CCPG1: variants seen among roughly 807,000 people sequenced by gnomAD.
CCPG1 encodes cell cycle progression 1.
Under a neutral mutation model 81.3 loss-of-function variants are expected in CCPG1, and 46 were observed. The ratio of observed to expected loss-of-function variants is 0.57; its 90% CI spans 0.45 to 0.72. The LOEUF (loss-of-function observed/expected upper bound fraction) is 0.72. Among genes scored for constraint, CCPG1 ranks in the 30% least tolerant of loss-of-function variants. The probability of loss-of-function intolerance (pLI) is 0.00; values close to 1 mark genes in which losing one functional copy is unlikely to be tolerated. For synonymous variants in CCPG1, 330 were observed against 305.2 expected (o/e 1.08, Z -0.85); for missense variants, 902 against 937.6 (o/e 0.96, Z 0.50).
At chr15:55,380,639 A>G (rs143425101) in intron 3 of CCPG1, among the ~76,000 whole-genome samples, 37 of 151,444 alleles carry the variant, frequency 2.4e-4, no homozygotes, top group African/African-American at 8.0e-4. Flanking sequence ...AAGAACAGGG[A>G]AAAAAAAATA....
intron 8 of CCPG1, chr15:55,358,010 A>T (rs1390995046): frequency 6.6e-6 from 1 of 150,574 alleles, no homozygotes; most frequent in Non-Finnish European, 1.5e-5. Context: ...GCAGTCTGTT[A>T]ATCAGATATA....
intron 2 of CCPG1, 118 bp downstream of exon 2, chr15:55,389,244 AAAT>A: frequency 1.5e-6 from 1 of 680,168 alleles, no homozygotes; most frequent in Non-Finnish European, 2.6e-6. Flanking sequence ...ATGAGAGGGA[AAAT>A]GTCCATTGGA....
chr15:55,405,737 G>T (rs2057205442), intron 1 of CCPG1, among the ~76,000 whole-genome samples: 1 of 148,122 alleles, frequency 6.8e-6, no homozygotes, highest in African/African-American at 2.6e-5. Context: ...GCTACAAATT[G>T]TCGGATCTGT....
At chr15:55,358,208 G>A (rs937241128) in intron 8 of CCPG1, 1 of 252,600 alleles carries the variant, frequency 4.0e-6, no homozygotes, top group Non-Finnish European at 6.2e-6. Flanking sequence ...AGTATGCTGA[G>A]ATTGGTAAGA....
chr15:55,388,525 A>G (rs1417726637), intron 2 of CCPG1, among the ~76,000 whole-genome samples: 1 of 152,212 alleles, frequency 6.6e-6, no homozygotes. Flanking sequence ...ATCTTGACCA[A>G]ATTACTTAAC....
At chr15:55,380,777 G>T (rs913319731) in intron 3 of CCPG1, among the ~76,000 whole-genome samples, 1 of 152,018 alleles carries the variant, frequency 6.6e-6, no homozygotes, top group South Asian at 2.1e-4. Context: ...CACTTTGAGC[G>T]GCTGAGGCAG....
intron 1 of CCPG1, chr15:55,399,680 G>C (rs371507113): frequency 6.6e-6 from 1 of 152,162 alleles, no homozygotes; most frequent in Non-Finnish European, 1.5e-5. Flanking sequence ...AAAGTAGGTT[G>C]AGCCTTCAGA....
In CCPG1 at chr15:55,356,244, T is replaced by C; in HGVS notation, c.2400A>G (p.Gln800=). 2 of 1,534,326 alleles carry C rather than the reference T, an allele frequency of 1.3e-6. No individual in the cohort carries two copies. The highest frequency in any genetic ancestry group is 1.7e-6 in the Non-Finnish European group (2 of 1,146,254). The change falls in exon 9 of 9, where the codon CAA becomes CAG. Residue 800 remains glutamine (Q), a synonymous_variant. Transcript: ENST00000442196. The stretch of plus-strand genomic sequence containing the variant: ...ATCAGTATTGAGGATCAAAAGGTAA[T>C]TGCCCCAATTCTATTTCAAGATTTG... The part of the protein sequence containing the change: ...QMANLEIELG[Q]LPFDPQY
At chr15:55,390,782 G>A (rs1238682731) in intron 1 of CCPG1, among the ~76,000 whole-genome samples, 1 of 152,106 alleles carries the variant, frequency 6.6e-6, no homozygotes, top group Non-Finnish European at 1.5e-5. Context: ...AAGGTTGGTC[G>A]CTAATAGTAT....
At position 55,359,515 on chromosome 15, in the gene CCPG1, T is replaced by C. The variant is rs1205479540; in HGVS notation, c.2234+24A>G. On this transcript the variant is annotated intron_variant, in intron 8 of 8. Transcript: ENST00000442196. ...CTACAAATGTTACAAACTACTGTAA[T>C]GACACGGTTTTATGTAAACCGACCT... is the stretch of plus-strand genomic sequence containing the variant. The C allele has an allele frequency of 4.5e-6, 7 of 1,567,170 alleles. No homozygotes were observed. The African/African-American group carries it at 6.9e-5, about 15-fold the overall frequency.
intron 5 of CCPG1, chr15:55,372,725 ACTCT>A (rs899919096): frequency 3.4e-5 from 9 of 261,276 alleles, no homozygotes; most frequent in Non-Finnish European, 6.1e-5. Flanking sequence ...GAAAAAAAAT[ACTCT>A]CTGTCTCTTC....
intron 1 of CCPG1, among the ~76,000 whole-genome samples, chr15:55,390,748 T>C (rs772695884): frequency 3.7e-4 from 56 of 151,150 alleles, no homozygotes; most frequent in Non-Finnish European, 6.2e-4. Context: ...TGTACATTAA[T>C]ATTTCAAAAA....
chr15:55,382,666 C>T (rs1050907102), intron 3 of CCPG1, among the ~76,000 whole-genome samples: 12 of 152,074 alleles, frequency 7.9e-5, no homozygotes, highest in Admixed American at 6.6e-4. Context: ...CCTGCCACCA[C>T]GCCCAGCTAA....
chr15:55,393,035 C>T (rs1016892594), intron 1 of CCPG1, among the ~76,000 whole-genome samples: 35 of 152,160 alleles, frequency 2.3e-4, no homozygotes, highest in African/African-American at 3.9e-4. Flanking sequence ...ACCCAGGAGG[C>T]GGATGTTGCG....
At chr15:55,356,792 A>C in intron 8 of CCPG1, 18 of 994,412 alleles carry the variant, frequency 1.8e-5, no homozygotes, top group Non-Finnish European at 2.2e-5. Flanking sequence ...AAAGCAAAAC[A>C]AAAGTCTCAA....
intron 8 of CCPG1, chr15:55,358,422 T>C: frequency 1.0e-6 from 1 of 985,414 alleles, no homozygotes; most frequent in South Asian, 4.7e-5. Context: ...TCTTCAGAAG[T>C]TCTCCATGTC....
chr15:55,358,354 AG>A, intron 8 of CCPG1: 1 of 984,842 alleles, frequency 1.0e-6, no homozygotes, highest in Non-Finnish European at 1.2e-6. Flanking sequence ...CCTGAAGATA[AG>A]GGGGGACTAC....
At chr15:55,404,282 G>C (rs1201834633) in intron 1 of CCPG1, among the ~76,000 whole-genome samples, 3 of 152,132 alleles carry the variant, frequency 2.0e-5, no homozygotes, top group Non-Finnish European at 4.4e-5. Flanking sequence ...ATTTTATCCA[G>C]TGTTAATGGA....
At chr15:55,405,054 G>A (rs1346511470) in intron 1 of CCPG1, among the ~76,000 whole-genome samples, 1 of 151,988 alleles carries the variant, frequency 6.6e-6, no homozygotes, top group Non-Finnish European at 1.5e-5. Context: ...GCAAAACCCA[G>A]TCTCTACTAA....
Sources: gnomAD v4.1 joint callset for allele counts (sites outside exome capture counted in the v4.1 genomes callset) on GRCh38, gnomAD v4.1.1 for gene constraint, MANE v1.5 for transcripts, NCBI Gene and HGNC (gene_info 2026-07-23, HGNC 2026-07-21) for gene names.